The following CDK13 variants were observed in gnomAD, a reference collection of about 807,000 sequenced individuals.
CDK13 encodes the protein cyclin dependent kinase 13, also known as cyclin-dependent kinase 13.
A neutral mutation model predicts 137.6 loss-of-function variants in CDK13; 40 were observed. The ratio of observed to expected loss-of-function variants is 0.29; its 90% CI spans 0.23 to 0.38. CDK13 has a LOEUF of 0.38. CDK13 is among the 10% of genes least tolerant of loss of function. The probability of loss-of-function intolerance (pLI) is 1.00; values close to 1 mark genes in which losing one functional copy is unlikely to be tolerated. For missense variants in CDK13, 1,704 were observed against 1,951.8 expected (o/e 0.87, Z 2.39); for synonymous variants, 869 against 760.1 (o/e 1.14, Z -2.36).
intron 5 of CDK13, among the ~76,000 whole-genome samples, chr7:40,016,350 G>A (rs1233642788): frequency 6.6e-6 from 1 of 152,092 alleles, no homozygotes; most frequent in East Asian, 1.9e-4. Context: ...GGGTTGTTGT[G>A]AGACCTAAGT....
At position 40,078,731 on chromosome 7, in the gene CDK13, C is replaced by T. The variant is rs1440361300; in HGVS notation, c.2909C>T (p.Ala970Val). 1 of 1,504,188 alleles carries T rather than the reference C, an allele frequency of 6.6e-7. No homozygotes were observed. Among genetic ancestry groups the T allele is most frequent in the Admixed American group, 2.0e-5 (1 of 50,002 alleles). 93.2% of individuals were successfully genotyped at this position (1,504,188 alleles called of 1,614,324 possible). The part of the protein sequence containing the change: ...LREEFVFIPA[A>V]ALDLFDYMLA... ...TCCTCTCATGCTAGTATTCCTGCAGCTGCGCTAGACTTATTTGATTACATG... is the reference window on the plus strand; with the variant it reads ...TCCTCTCATGCTAGTATTCCTGCAGTTGCGCTAGACTTATTTGATTACATG... The change falls in exon 11 of 14, where the codon GCT becomes GTT. Residue 970 changes from alanine to valine, a missense_variant. Coordinates refer to ENST00000181839, the MANE Select transcript of CDK13 (RefSeq NM_003718.5).
intron 5 of CDK13, among the ~76,000 whole-genome samples, chr7:40,014,495 A>G (rs1320350364): frequency 7.9e-6 from 1 of 126,096 alleles, no homozygotes; most frequent in Non-Finnish European, 1.6e-5. Flanking sequence ...CCTGTCACCC[A>G]GGCTGGAGTA....
chr7:40,083,152 T>C (rs1025433561), intron 11 of CDK13, among the ~76,000 whole-genome samples: 7 of 151,560 alleles, frequency 4.6e-5, no homozygotes, highest in African/African-American at 1.5e-4. Flanking sequence ...GTGTTAAGAT[T>C]CTTTCTCCTT....
chr7:39,997,316 GC>G (rs1257124332), intron 2 of CDK13, among the ~76,000 whole-genome samples, 177 bp from the exon 3 acceptor site: 2 of 151,916 alleles, frequency 1.3e-5, no homozygotes, highest in Non-Finnish European at 2.9e-5. Flanking sequence ...TCCAAATTTT[GC>G]ATTATACAGT....
chr7:40,029,191 C>T (rs1391331625), intron 5 of CDK13, among the ~76,000 whole-genome samples: 1 of 151,944 alleles, frequency 6.6e-6, no homozygotes, highest in Non-Finnish European at 1.5e-5. Context: ...CTTTGGGAGG[C>T]CGAGGCAAGT....
chr7:39,950,740 C>G lies in CDK13; in HGVS notation c.99C>G (p.Ser33=). The change falls in exon 1 of 14, where the codon TCC becomes TCG. Residue 33 remains serine (S), a synonymous_variant. Coordinates refer to ENST00000181839, the MANE Select transcript of CDK13 (RefSeq NM_003718.5). ...GCCGCAAGCGGAGGCGATTCCTGTC[C>G]CCTCAGCAGCCGCCGCTGCTGTTGC... The part of the protein sequence containing the change: ...EERRKRRRFL[S]PQQPPLLLPL... The G allele has an allele frequency of 6.8e-7, 1 of 1,472,008 alleles. No homozygotes were observed. Among genetic ancestry groups the G allele is most frequent in the Non-Finnish European group, 8.9e-7 (1 of 1,119,796 alleles). The allele number at this position is 1,472,008 out of a possible 1,614,324, so 91.2% of individuals were successfully genotyped here. A position where few individuals can be genotyped will look rare whatever the true frequency, so the allele number is the denominator to read the frequency against.
At chr7:39,993,683 T>G (rs2116294292) in intron 2 of CDK13, among the ~76,000 whole-genome samples, 1 of 152,248 alleles carries the variant, frequency 6.6e-6, no homozygotes, top group Non-Finnish European at 1.5e-5. Context: ...CCAATATTCT[T>G]ATTACAGGAA....
chr7:39,971,988 A>C (rs999547003), intron 1 of CDK13, among the ~76,000 whole-genome samples: 2 of 152,256 alleles, frequency 1.3e-5, no homozygotes, highest in African/African-American at 4.8e-5. Context: ...CAAATTCTTG[A>C]TGGCTACAGA....
intron 5 of CDK13, among the ~76,000 whole-genome samples, chr7:40,011,003 A>T (rs188703921): frequency 6.6e-6 from 1 of 152,360 alleles, no homozygotes; most frequent in East Asian, 1.9e-4. Flanking sequence ...AAGAAATTGA[A>T]GACAATGAAA....
chr7:40,067,470 G>A (rs563690831), intron 9 of CDK13: 1 of 152,372 alleles, frequency 6.6e-6, no homozygotes, highest in South Asian at 2.1e-4. Context: ...CTTGAACCTG[G>A]GAGGCAGAGG....
At chr7:40,056,478 A>G (rs148663018) in intron 7 of CDK13, among the ~76,000 whole-genome samples, 1,812 of 152,328 alleles carry the variant, frequency 0.012, 13 homozygotes, top group Non-Finnish European at 0.018. Flanking sequence ...CAGGGAACTG[A>G]AGGTTTAGTG....
At chr7:39,993,005 G>A (rs1784496333) in intron 2 of CDK13, among the ~76,000 whole-genome samples, 2 of 152,178 alleles carry the variant, frequency 1.3e-5, no homozygotes, top group Non-Finnish European at 2.9e-5. Flanking sequence ...CCATATATGA[G>A]GGTGCATTTT....
intron 1 of CDK13, among the ~76,000 whole-genome samples, chr7:39,957,204 C>T (rs940732652): frequency 6.8e-6 from 1 of 148,064 alleles, no homozygotes; most frequent in Non-Finnish European, 1.5e-5. Context: ...CCTGTCCTTG[C>T]CTCCCAAAGT....
chr7:39,961,652 A>G (rs1452666975), intron 1 of CDK13, among the ~76,000 whole-genome samples: 3 of 145,000 alleles, frequency 2.1e-5, no homozygotes, highest in African/African-American at 7.7e-5. Context: ...TTTTTTAATT[A>G]TACTTTAAGT....
In CDK13 at chr7:40,092,751, A is replaced by T. The variant is rs185928366; in HGVS notation, c.3236-34A>T. On this transcript the variant is annotated intron_variant, in intron 12 of 13. Coordinates refer to ENST00000181839, the MANE Select transcript of CDK13 (RefSeq NM_003718.5). Reference sequence around the variant, plus strand: ...GTGGGAGTGGGAGGAGCTGTGAATTATGACAGTTCTAATTAATATAATTTT... The same window carrying T: ...GTGGGAGTGGGAGGAGCTGTGAATTTTGACAGTTCTAATTAATATAATTTT... 961 of 1,529,254 alleles carry T rather than the reference A, an allele frequency of 6.3e-4. 2 individuals are homozygous for T. In the African/African-American group the frequency reaches 0.012, roughly 18 times the overall value. The allele number at this position is 1,529,254 out of a possible 1,614,324, so 94.7% of individuals were successfully genotyped here. A position where few individuals can be genotyped will look rare whatever the true frequency, so the allele number is the denominator to read the frequency against.
intron 5 of CDK13, among the ~76,000 whole-genome samples, chr7:40,009,507 A>C (rs569573710): frequency 9.2e-5 from 14 of 152,390 alleles, no homozygotes; most frequent in African/African-American, 3.4e-4. Context: ...CATAATGAGC[A>C]GCTGTTGCAT....
intron 11 of CDK13, among the ~76,000 whole-genome samples, chr7:40,082,553 C>T (rs1203457017): frequency 1.4e-5 from 2 of 146,546 alleles, no homozygotes; most frequent in East Asian, 4.2e-4. Flanking sequence ...CCTGTAATCT[C>T]AGCACTGCAG....
intron 9 of CDK13, among the ~76,000 whole-genome samples, chr7:40,065,544 C>T (rs1251086022): frequency 6.6e-6 from 1 of 151,986 alleles, no homozygotes; most frequent in Admixed American, 6.6e-5. Context: ...CATTCGAAGC[C>T]ATCCTGGGTT....
chr7:39,951,867 T>A lies in CDK13; in HGVS notation c.1211+15T>A, dbSNP rs776358505. 7.4e-7 allele frequency: 1 copy of A among 1,350,614 alleles called. No individual in the cohort carries two copies. 83.7% of individuals were successfully genotyped at this position (1,350,614 alleles called of 1,614,324 possible). Reference sequence around the variant, plus strand: ...CCTGTGCTCAGGTGAGTTCTGCCGTTCTGCCTGTGTGTGCCTTGGCTGCGC... The same window carrying A: ...CCTGTGCTCAGGTGAGTTCTGCCGTACTGCCTGTGTGTGCCTTGGCTGCGC... On this transcript the variant is annotated intron_variant, in intron 1 of 13. Coordinates refer to ENST00000181839, the MANE Select transcript of CDK13 (RefSeq NM_003718.5).
Sources: allele counts gnomAD v4.1 joint callset (sites outside exome capture counted in the v4.1 genomes callset), GRCh38; gene constraint gnomAD v4.1.1; transcripts MANE v1.5; gene names NCBI Gene and HGNC (gene_info 2026-07-23, HGNC 2026-07-21).